The following DPH6 variants were observed in gnomAD, a reference collection of about 807,000 sequenced individuals.
DPH6 encodes diphthine--ammonia ligase.
DPH6 carries 33 observed loss-of-function variants against 38.2 expected under a neutral mutation model. That is an observed-to-expected ratio of 0.86 (90% confidence interval 0.65 to 1.15). The LOEUF is 1.15. DPH6 is among the 50% of genes most tolerant of loss of function. DPH6 has a pLI of 0.00. For synonymous variants in DPH6, 108 were observed against 103.0 expected (o/e 1.05, Z -0.30); for missense variants, 325 against 320.0 (o/e 1.02, Z -0.12).
intron 3 of DPH6, among the ~76,000 whole-genome samples, chr15:35,355,948 C>T (rs1445313820): frequency 6.6e-6 from 1 of 152,224 alleles, no homozygotes; most frequent in Non-Finnish European, 1.5e-5. Flanking sequence ...GGTCTTTTCA[C>T]ATAGTCCCAT....
chr15:35,332,012 T>C (rs1026031804), intron 3 of DPH6, among the ~76,000 whole-genome samples: 8 of 152,136 alleles, frequency 5.3e-5, no homozygotes, highest in Non-Finnish European at 1.2e-4. Context: ...CAGCCATAGA[T>C]AGGACAACAG....
At chr15:35,529,655 G>C (rs1196126323) in intron 3 of DPH6, among the ~76,000 whole-genome samples, 2 of 152,138 alleles carry the variant, frequency 1.3e-5, no homozygotes, top group African/African-American at 4.8e-5. Context: ...TTCAGGGTCT[G>C]TGAGGGCAAA....
intron 5 of DPH6, among the ~76,000 whole-genome samples, chr15:35,434,359 G>A (rs1369911622): frequency 3.3e-5 from 5 of 152,006 alleles, no homozygotes; most frequent in African/African-American, 1.2e-4. Flanking sequence ...TTAATAGAAT[G>A]CATTACTGCC....
chr15:35,405,821 C>A lies in DPH6; in HGVS notation c.567+5014G>T, dbSNP rs72703187. Reference sequence around the variant, plus strand: ...CAGTTTTTCCCCATTCAGTATGATACTCGCTGTGGATCTGTCATATAAGGC... The same window carrying A: ...CAGTTTTTCCCCATTCAGTATGATAATCGCTGTGGATCTGTCATATAAGGC... On this transcript the variant is annotated intron_variant, in intron 6 of 8. Transcript: ENST00000256538. Among the ~76,000 whole-genome samples the A allele has an allele frequency of 1.7e-3, 256 of 152,094 alleles. 1 individual carries two copies. The highest frequency in any genetic ancestry group is 4.3e-3 in the East Asian group (22 of 5,158).
At chr15:35,542,055 C>T (rs1428899494) in intron 2 of DPH6, among the ~76,000 whole-genome samples, 1 of 152,014 alleles carries the variant, frequency 6.6e-6, no homozygotes, top group Non-Finnish European at 1.5e-5. Context: ...TCTTATCTAC[C>T]TCTATGCTGC....
chr15:35,499,315 C>G (rs978849533), intron 3 of DPH6, among the ~76,000 whole-genome samples: 2 of 152,262 alleles, frequency 1.3e-5, no homozygotes, highest in East Asian at 3.9e-4. Context: ...GGGATTCTTC[C>G]TTCCTTCTTT....
At chr15:35,177,224 G>A in the DPH6 span, among the ~76,000 whole-genome samples, 27 of 151,992 alleles carry the variant, frequency 1.8e-4, 1 homozygote, top group South Asian at 3.1e-3. Flanking sequence ...CATTTCTACC[G>A]AGACTTCAAA....
the DPH6 span, among the ~76,000 whole-genome samples, chr15:35,190,409 T>C: frequency 6.6e-6 from 1 of 152,092 alleles, no homozygotes; most frequent in Admixed American, 6.5e-5. Flanking sequence ...TGTTGATTGG[T>C]TGGGTCAGAG....
intron 3 of DPH6, among the ~76,000 whole-genome samples, chr15:35,227,531 T>C (rs2140389881): frequency 6.6e-6 from 1 of 152,148 alleles, no homozygotes; most frequent in Admixed American, 6.5e-5. Context: ...TCTCATTTTT[T>C]TTCCTTAGTC....
intron 5 of DPH6, among the ~76,000 whole-genome samples, chr15:35,436,847 C>T (rs1367315932): frequency 6.6e-6 from 1 of 151,070 alleles, no homozygotes; most frequent in African/African-American, 2.4e-5. Context: ...TTTACTAGGC[C>T]AGGACACCCT....
intron 3 of DPH6, among the ~76,000 whole-genome samples, chr15:35,259,624 A>G (rs1174486344): frequency 6.6e-6 from 1 of 152,228 alleles, no homozygotes; most frequent in African/African-American, 2.4e-5. Context: ...TGATGTCACA[A>G]TGTTTACTAC....
downstream of DPH6, chr15:35,365,910 AT>A (rs1252623850): frequency 1.0e-6 from 1 of 985,100 alleles, no homozygotes; most frequent in Non-Finnish European, 1.2e-6. Flanking sequence ...GTTTTACAGC[AT>A]TAGGTTTTAG....
At chr15:35,538,213 C>A in intron 3 of DPH6, 61 bp downstream of exon 3, 1 of 1,308,852 alleles carries the variant, frequency 7.6e-7, no homozygotes, top group Admixed American at 2.6e-5. Flanking sequence ...AATAATTCGG[C>A]AAATGTAATT....
At chr15:35,282,173 T>C (rs996100846) in intron 3 of DPH6, among the ~76,000 whole-genome samples, 1 of 152,168 alleles carries the variant, frequency 6.6e-6, no homozygotes, top group Non-Finnish European at 1.5e-5. Flanking sequence ...AAATAGTTTT[T>C]CTTTTTGTTT....
At chr15:35,389,759 G>T (rs982507635) in intron 6 of DPH6, among the ~76,000 whole-genome samples, 2 of 152,098 alleles carry the variant, frequency 1.3e-5, no homozygotes, top group African/African-American at 4.8e-5. Context: ...TTGGTTTCCT[G>T]AATACAGCAC....
intron 5 of DPH6, among the ~76,000 whole-genome samples, chr15:35,413,509 T>C (rs2053396302): frequency 6.6e-6 from 1 of 151,788 alleles, no homozygotes; most frequent in Admixed American, 6.6e-5. Flanking sequence ...CTTGATGGAA[T>C]TATTCTGCTT....
At chr15:35,252,804 T>C (rs1284677943) in intron 3 of DPH6, among the ~76,000 whole-genome samples, 1 of 152,266 alleles carries the variant, frequency 6.6e-6, no homozygotes, top group Non-Finnish European at 1.5e-5. Flanking sequence ...TAAAAATACA[T>C]ACTCTATAAT....
At chr15:35,385,884 T>A (rs1419581724) in intron 6 of DPH6, among the ~76,000 whole-genome samples, 1 of 152,140 alleles carries the variant, frequency 6.6e-6, no homozygotes, top group Non-Finnish European at 1.5e-5. Flanking sequence ...TTAGGGTACA[T>A]GTGCACAACG....
At chr15:35,218,463 T>C (rs543107158) in exon 4 of DPH6, 1 of 152,306 alleles carries the variant, frequency 6.6e-6, no homozygotes, top group South Asian at 2.1e-4. Context: ...TAAGTAAGCA[T>C]GGCTGACAAT....
Sources: gnomAD v4.1 joint callset for allele counts (sites outside exome capture counted in the v4.1 genomes callset) on GRCh38, gnomAD v4.1.1 for gene constraint, MANE v1.5 for transcripts, NCBI Gene and HGNC (gene_info 2026-07-23, HGNC 2026-07-21) for gene names.